CACNA2D1: variants seen among roughly 807,000 people sequenced by gnomAD.
CACNA2D1 encodes the protein voltage-dependent calcium channel subunit alpha-2/delta-1.
A neutral mutation model predicts 171.5 loss-of-function variants in CACNA2D1; 53 were observed. The ratio of observed to expected loss-of-function variants is 0.31; its 90% confidence interval spans 0.25 to 0.39. The LOEUF (loss-of-function observed/expected upper bound fraction) is 0.39, where lower values mean the gene tolerates loss of function less well. CACNA2D1 is among the 10% of genes least tolerant of loss of function. CACNA2D1 has a pLI of 1.00. For missense variants in CACNA2D1, 903 were observed against 1,299.8 expected (o/e 0.69, Z 4.69); for synonymous variants, 442 against 443.1 (o/e 1.00, Z 0.03).
intron 3 of CACNA2D1, among the ~76,000 whole-genome samples, chr7:82,194,706 TAAC>T (rs1798682265): frequency 6.6e-6 from 1 of 151,966 alleles, no homozygotes; most frequent in Admixed American, 6.6e-5. Flanking sequence ...AGGGCAGCAG[TAAC>T]AACAATGTCT....
intron 22 of CACNA2D1, among the ~76,000 whole-genome samples, chr7:81,983,992 C>T (rs944049206): frequency 1.3e-5 from 2 of 151,950 alleles, no homozygotes; most frequent in Non-Finnish European, 2.9e-5. Flanking sequence ...AATCTAGTCA[C>T]CCAAAACAAA....
rs1344157288 is a variant in CACNA2D1, at chr7:81,983,325, C to T, written c.1883G>A (p.Gly628Asp). 1.2e-6 allele frequency: 2 copies of T among 1,611,116 alleles called. No homozygotes were observed. ...ETITQARSKK[G>D]KMKDSETLKP... ...AAGAAAATACTTGCCCTTCATTTTG[C>T]CCTTTTTTGCTGTGAAAATCCATCA... Residue 628 changes from glycine to aspartate, a missense_variant, in exon 23 of 39, where the codon GGC (glycine) becomes GAC (aspartate). Around this residue, in one of 5 missense-constraint regions of CACNA2D1, gnomAD observed 623 missense variants for 925.5 expected, o/e 0.67. Transcript: ENST00000356860.
chr7:82,002,590 CAT>C (rs1476803866), intron 18 of CACNA2D1, among the ~76,000 whole-genome samples: 1 of 150,904 alleles, frequency 6.6e-6, no homozygotes, highest in Non-Finnish European at 1.5e-5. Flanking sequence ...ACTTCTCAAA[CAT>C]AGATTATGCA....
At chr7:81,964,937 A>C (rs950244151) in intron 32 of CACNA2D1, among the ~76,000 whole-genome samples, 1 of 151,866 alleles carries the variant, frequency 6.6e-6, no homozygotes, top group African/African-American at 2.4e-5. Flanking sequence ...AAAAGATCAA[A>C]TGCCCCCCTG....
At chr7:82,304,400 CAAGT>C (rs1433630066) in intron 3 of CACNA2D1, among the ~76,000 whole-genome samples, 1 of 150,904 alleles carries the variant, frequency 6.6e-6, no homozygotes, top group African/African-American at 2.4e-5. Flanking sequence ...CCTGCACTCC[CAAGT>C]ATGTTGCAGC....
Position 81,982,588 on chromosome 7 carries a change from C to T in CACNA2D1, c.1934G>A (p.Gly645Asp). ...CAACCTTGGTGCTATGAATGTATAG[C>T]CAGATTCTTCAAAATTATCTGGCTT... ...TLKPDNFEESGYTFIAPRDYC... is the reference protein window; with the variant it reads ...TLKPDNFEESDYTFIAPRDYC... Residue 645 changes from glycine to aspartate, a missense_variant, in exon 24 of 39, where the codon GGC (glycine) becomes GAC (aspartate). Transcript: ENST00000356860. 1.2e-6 allele frequency: 2 copies of T among 1,607,040 alleles called. No homozygotes were observed. Among genetic ancestry groups the T allele is most frequent in the Non-Finnish European group, 1.7e-6 (2 of 1,173,972 alleles).
At chr7:82,252,785 G>C (rs1414780513) in intron 3 of CACNA2D1, among the ~76,000 whole-genome samples, 2 of 152,044 alleles carry the variant, frequency 1.3e-5, no homozygotes, top group Admixed American at 1.3e-4. Flanking sequence ...AGCTACTCAG[G>C]AAGCTGAGGC....
intron 1 of CACNA2D1, among the ~76,000 whole-genome samples, chr7:82,434,087 A>G (rs1005928421): frequency 7.9e-5 from 12 of 152,226 alleles, no homozygotes; most frequent in Non-Finnish European, 1.8e-4. Flanking sequence ...GAGGCAGATA[A>G]TGCCAATTTA....
intron 4 of CACNA2D1, among the ~76,000 whole-genome samples, chr7:82,155,871 G>A (rs1350223462): frequency 6.6e-6 from 1 of 152,122 alleles, no homozygotes; most frequent in East Asian, 1.9e-4. Context: ...TACAAGTTGA[G>A]GAAAAACACA....
chr7:82,092,832 A>G (rs1325573806), intron 6 of CACNA2D1, among the ~76,000 whole-genome samples: 1 of 152,136 alleles, frequency 6.6e-6, no homozygotes, highest in African/African-American at 2.4e-5. Context: ...GAAAACAACA[A>G]GAAATACCCT....
chr7:82,035,281 G>T (rs921090770), intron 11 of CACNA2D1, among the ~76,000 whole-genome samples: 2 of 151,610 alleles, frequency 1.3e-5, no homozygotes, highest in Non-Finnish European at 2.9e-5. Flanking sequence ...TTTACTTTGG[G>T]ACTGATATGT....
intron 31 of CACNA2D1, among the ~76,000 whole-genome samples, chr7:81,966,408 A>T: frequency 6.6e-6 from 1 of 151,610 alleles, no homozygotes; most frequent in East Asian, 1.9e-4. Context: ...CAGCTACTGC[A>T]TAGTCTATGT....
chr7:82,213,893 G>A (rs1800826349), intron 3 of CACNA2D1, among the ~76,000 whole-genome samples: 1 of 152,076 alleles, frequency 6.6e-6, no homozygotes. Flanking sequence ...CACAAACTGG[G>A]TAGCTTTTAA....
intron 3 of CACNA2D1, among the ~76,000 whole-genome samples, chr7:82,301,360 G>A (rs1013541110): frequency 1.3e-5 from 2 of 152,082 alleles, no homozygotes; most frequent in Admixed American, 1.3e-4. Context: ...TCCAACCTCA[G>A]GTGATCCGCC....
At chr7:81,994,500 A>G (rs1250660050) in intron 20 of CACNA2D1, among the ~76,000 whole-genome samples, 1 of 152,098 alleles carries the variant, frequency 6.6e-6, no homozygotes, top group Non-Finnish European at 1.5e-5. Flanking sequence ...ACATATAGCT[A>G]TTAAATATTA....
chr7:82,180,834 G>A (rs1797045094), intron 3 of CACNA2D1, among the ~76,000 whole-genome samples: 1 of 151,970 alleles, frequency 6.6e-6, no homozygotes, highest in African/African-American at 2.4e-5. Context: ...GTGGGGGGAA[G>A]AGGGACAGAG....
intron 9 of CACNA2D1, among the ~76,000 whole-genome samples, chr7:82,061,852 G>A (rs892229521): frequency 2.0e-5 from 3 of 152,152 alleles, no homozygotes; most frequent in Admixed American, 6.5e-5. Flanking sequence ...ACTTTTGGGT[G>A]GGGAGCACAG....
intron 24 of CACNA2D1, among the ~76,000 whole-genome samples, chr7:81,977,331 C>T (rs1038742196): frequency 1.3e-5 from 2 of 152,056 alleles, no homozygotes; most frequent in Non-Finnish European, 2.9e-5. Context: ...GTCATTGGTT[C>T]TATTTATCTG....
At chr7:82,340,654 G>A (rs1280536381) in intron 2 of CACNA2D1, among the ~76,000 whole-genome samples, 1 of 151,980 alleles carries the variant, frequency 6.6e-6, no homozygotes, top group Non-Finnish European at 1.5e-5. Context: ...GAGCTCCATT[G>A]TGAGCAACAT....
Sources: gnomAD v4.1 joint callset for allele counts (sites outside exome capture counted in the v4.1 genomes callset) on GRCh38, gnomAD v4.1.1 for gene constraint, gnomAD v4.1.1 regional missense constraint, MANE v1.5 for transcripts, NCBI Gene and HGNC (gene_info 2026-07-23, HGNC 2026-07-21) for gene names.